KLHL1: variants seen among roughly 807,000 people sequenced by gnomAD.
The protein encoded by KLHL1 is kelch like family member 1, also known as kelch-like protein 1.
In KLHL1, 47 loss-of-function variants were observed where a neutral mutation model predicts 77.7. That is an observed-to-expected ratio of 0.60 (90% CI 0.48 to 0.77). KLHL1 has a LOEUF of 0.77. Ranked by LOEUF, KLHL1 falls within the 30% of genes least tolerant of loss-of-function variation. The probability of loss-of-function intolerance (pLI) is 0.00; values close to 1 mark genes in which losing one functional copy is unlikely to be tolerated. For synonymous variants in KLHL1, 360 were observed against 325.2 expected, an observed-to-expected ratio of 1.11 and a Z score of -1.15; for missense variants, 925 against 910.8, an observed-to-expected ratio of 1.02 and a Z score of -0.20.
In KLHL1 at chr13:69,996,523, G is replaced by A. The variant is rs76498247; in HGVS notation, c.498-20721C>T. Among the ~76,000 whole-genome samples the A allele has an allele frequency of 3.5e-3, 540 of 152,152 alleles. 5 individuals carry two copies. The highest frequency in any genetic ancestry group is 0.012 in the African/African-American group (513 of 41,526). On this transcript the variant is annotated intron_variant, in intron 1 of 10. Coordinates refer to ENST00000377844, the MANE Select transcript of KLHL1 (RefSeq NM_020866.3). ...ATCCACATATCCCTTGAAACTTAGTGTGAAGCTGTCAACTTCCCATAACAC... is the reference window on the plus strand; with the variant it reads ...ATCCACATATCCCTTGAAACTTAGTATGAAGCTGTCAACTTCCCATAACAC...
At chr13:69,928,287 T>C (rs1030575411) in intron 4 of KLHL1, among the ~76,000 whole-genome samples, 2 of 152,182 alleles carry the variant, frequency 1.3e-5, no homozygotes, top group African/African-American at 2.4e-5. Context: ...TTCCCGCCAA[T>C]TGACAATCTC....
chr13:69,800,215 G>A (rs1159347143), intron 6 of KLHL1, among the ~76,000 whole-genome samples: 3 of 152,160 alleles, frequency 2.0e-5, no homozygotes, highest in Non-Finnish European at 4.4e-5. Context: ...GCTCATACCA[G>A]TTTAATCAGA....
Position 69,740,440 on chromosome 13 carries a change from T to C in KLHL1, c.1756A>G (p.Met586Val). 2 of 1,611,514 alleles carry C rather than the reference T, an allele frequency of 1.2e-6. No individual in the cohort carries two copies. Among genetic ancestry groups the C allele is most frequent in the Non-Finnish European group, 1.7e-6 (2 of 1,178,232 alleles). ...QSQQWTFVAS[M>V]SIARSTVGVA... ...CCAACTGTGCTCCGAGCAATTGACATACTGGCTACAAATGTCCATTGTTGA... is the reference window on the plus strand; with the variant it reads ...CCAACTGTGCTCCGAGCAATTGACACACTGGCTACAAATGTCCATTGTTGA... The change falls in exon 8 of 11, where the codon ATG becomes GTG. Residue 586 changes from methionine to valine, a missense_variant. By Grantham distance (21) the Met-to-Val change is conservative. Transcript: ENST00000377844.
intron 1 of KLHL1, among the ~76,000 whole-genome samples, chr13:70,063,731 A>T (rs1292640497): frequency 6.6e-6 from 1 of 152,102 alleles, no homozygotes; most frequent in East Asian, 1.9e-4. Flanking sequence ...TAAAAAATGC[A>T]TTTTAAAATG....
intron 6 of KLHL1, among the ~76,000 whole-genome samples, chr13:69,807,515 G>T (rs1422481538): frequency 1.3e-5 from 2 of 152,086 alleles, no homozygotes; most frequent in East Asian, 3.9e-4. Flanking sequence ...GCTGTTGTTA[G>T]ACTGAGACAT....
chr13:70,024,397 G>A lies in KLHL1; in HGVS notation c.498-48595C>T, dbSNP rs190583321. Among the ~76,000 whole-genome samples the A allele has an allele frequency of 1.9e-4, 29 of 150,036 alleles. No homozygotes were observed. The East Asian group carries it at 5.7e-3, about 29-fold the overall frequency. On this transcript the variant is annotated intron_variant, in intron 1 of 10. Coordinates refer to ENST00000377844, the MANE Select transcript of KLHL1 (RefSeq NM_020866.3). Reference sequence around the variant, plus strand: ...GAAAGGGGGAAGAGAGAGAGATTGAGGAAAAAACTCAGGGGACTTGCCATG... The same window carrying A: ...GAAAGGGGGAAGAGAGAGAGATTGAAGAAAAAACTCAGGGGACTTGCCATG...
At chr13:70,047,206 A>C (rs954394882) in intron 1 of KLHL1, among the ~76,000 whole-genome samples, 1 of 152,070 alleles carries the variant, frequency 6.6e-6, no homozygotes, top group Non-Finnish European at 1.5e-5. Flanking sequence ...GTAGATATGA[A>C]ACATAAGAAA....
intron 7 of KLHL1, among the ~76,000 whole-genome samples, chr13:69,770,113 A>G (rs1193156839): frequency 6.6e-6 from 1 of 152,144 alleles, no homozygotes; most frequent in African/African-American, 2.4e-5. Flanking sequence ...GGAGAGAGCT[A>G]TAACACCCCC....
intron 6 of KLHL1, among the ~76,000 whole-genome samples, chr13:69,815,103 A>G (rs1460894738): frequency 6.6e-6 from 1 of 152,196 alleles, no homozygotes; most frequent in East Asian, 1.9e-4. Flanking sequence ...ATACTGTTGG[A>G]GGGAATGCAA....
At position 69,985,820 on chromosome 13, in the gene KLHL1, T is replaced by C. The variant is rs9572330; in HGVS notation, c.498-10018A>G. 1.8e-3 allele frequency among the ~76,000 whole-genome samples: 270 copies of C among 146,134 alleles called. 10 individuals are homozygous for C. The South Asian group carries it at 0.056, about 30-fold the overall frequency. ...TTATATATATTTATATATTATATAT[T>C]ATATATATATCTTATGTGTGTGTAT... On this transcript the variant is annotated intron_variant, in intron 1 of 10. Coordinates refer to ENST00000377844, the MANE Select transcript of KLHL1 (RefSeq NM_020866.3).
At chr13:69,888,375 G>A (rs1203778103) in intron 4 of KLHL1, among the ~76,000 whole-genome samples, 3 of 152,080 alleles carry the variant, frequency 2.0e-5, no homozygotes, top group Non-Finnish European at 4.4e-5. Context: ...GGTGGAAATA[G>A]GGTCATTGCA....
At chr13:69,926,566 C>T (rs529768881) in intron 4 of KLHL1, among the ~76,000 whole-genome samples, 1 of 152,062 alleles carries the variant, frequency 6.6e-6, no homozygotes, top group Non-Finnish European at 1.5e-5. Flanking sequence ...AAAATCCTAG[C>T]TGGCTATTTG....
At chr13:69,954,234 G>A (rs1038047292) in intron 3 of KLHL1, among the ~76,000 whole-genome samples, 4 of 150,754 alleles carry the variant, frequency 2.7e-5, no homozygotes, top group Admixed American at 6.6e-5. Context: ...AATAAGTCCT[G>A]GATATCTAGT....
At chr13:69,761,344 G>A (rs1875011112) in intron 7 of KLHL1, among the ~76,000 whole-genome samples, 1 of 151,822 alleles carries the variant, frequency 6.6e-6, no homozygotes, top group Admixed American at 6.6e-5. Flanking sequence ...TTGGCTGCCT[G>A]TGGTTGGCTG....
intron 1 of KLHL1, among the ~76,000 whole-genome samples, chr13:70,069,788 T>TTGGA (rs2137416135): frequency 3.3e-5 from 5 of 151,360 alleles, no homozygotes; most frequent in African/African-American, 9.8e-5. Context: ...TGAAAAGATT[T>TTGGA]TAAAAAATAT....
At chr13:70,015,723 A>C (rs1319594026) in intron 1 of KLHL1, among the ~76,000 whole-genome samples, 1 of 152,178 alleles carries the variant, frequency 6.6e-6, no homozygotes, top group Non-Finnish European at 1.5e-5. Flanking sequence ...CTAAGCTGTG[A>C]GGTTTGATAG....
At chr13:69,713,324 A>G (rs1226050365) in intron 9 of KLHL1, among the ~76,000 whole-genome samples, 1 of 152,166 alleles carries the variant, frequency 6.6e-6, no homozygotes, top group Non-Finnish European at 1.5e-5. Context: ...TTCTGTTAAC[A>G]TGTCTAATAA....
At chr13:70,045,828 TAA>T (rs1177179167) in intron 1 of KLHL1, among the ~76,000 whole-genome samples, 3 of 149,306 alleles carry the variant, frequency 2.0e-5, no homozygotes, top group Admixed American at 2.0e-4. Flanking sequence ...TTCATAAGAT[TAA>T]GAGTATCTGC....
At chr13:69,780,296 T>C (rs966956331) in intron 7 of KLHL1, among the ~76,000 whole-genome samples, 1 of 152,174 alleles carries the variant, frequency 6.6e-6, no homozygotes, top group African/African-American at 2.4e-5. Context: ...AAATGTTTGA[T>C]ACCTTGTATT....
Sources: allele counts gnomAD v4.1 joint callset (sites outside exome capture counted in the v4.1 genomes callset), GRCh38; gene constraint gnomAD v4.1.1; transcripts MANE v1.5; gene names NCBI Gene and HGNC (gene_info 2026-07-23, HGNC 2026-07-21).